OPCML: variants seen among roughly 807,000 people sequenced by gnomAD.
OPCML encodes opioid-binding protein/cell adhesion molecule.
OPCML carries 13 observed loss-of-function variants against 37.8 expected under a neutral mutation model. That is an observed-to-expected ratio of 0.34 (90% CI 0.22 to 0.55). OPCML has a LOEUF of 0.55. OPCML is among the 20% of genes least tolerant of loss of function. The pLI, the probability that OPCML is intolerant of heterozygous loss-of-function variation, is 0.91. For missense variants in OPCML, 341 were observed against 435.6 expected (o/e 0.78, Z 1.93); for synonymous variants, 176 against 168.8 (o/e 1.04, Z -0.33).
intron 3 of OPCML, among the ~76,000 whole-genome samples, chr11:132,555,645 AC>A (rs2096393737): frequency 6.6e-6 from 1 of 152,070 alleles, no homozygotes; most frequent in South Asian, 2.1e-4. Context: ...GGCTTGACAA[AC>A]CCTCAAGTCT....
intron 1 of OPCML, among the ~76,000 whole-genome samples, chr11:133,099,357 G>C (rs1949052022): frequency 6.6e-6 from 1 of 151,258 alleles, no homozygotes. Context: ...CCACCTCCCA[G>C]GTTCATGCCA....
chr11:133,064,594 C>G (rs1263181060), intron 1 of OPCML: 2 of 152,300 alleles, frequency 1.3e-5, no homozygotes, highest in African/African-American at 2.4e-5. Context: ...GGGGACTGTG[C>G]TGCCTGAATT....
At chr11:133,051,411 G>C (rs1397540899) in intron 1 of OPCML, among the ~76,000 whole-genome samples, 1 of 152,142 alleles carries the variant, frequency 6.6e-6, no homozygotes, top group Non-Finnish European at 1.5e-5. Context: ...AGACATTCCA[G>C]GGCTGCAGCC....
chr11:132,741,817 C>T (rs911265992), intron 2 of OPCML, among the ~76,000 whole-genome samples: 8 of 151,934 alleles, frequency 5.3e-5, no homozygotes, highest in Admixed American at 1.3e-4. Flanking sequence ...ACCTGAGCTC[C>T]GGAGTTTGAG....
intron 1 of OPCML, among the ~76,000 whole-genome samples, chr11:133,364,114 T>A (rs915925336): frequency 1.3e-5 from 2 of 152,184 alleles, no homozygotes; most frequent in Non-Finnish European, 2.9e-5. Flanking sequence ...TTGTTATCGA[T>A]TTCCCTCAGT....
intron 2 of OPCML, among the ~76,000 whole-genome samples, chr11:132,866,388 A>G (rs1942555764): frequency 6.6e-6 from 1 of 152,208 alleles, no homozygotes; most frequent in Non-Finnish European, 1.5e-5. Flanking sequence ...CACCTTGGCT[A>G]TGTCATCCAA....
At chr11:133,066,580 T>TG (rs1565428791) in intron 1 of OPCML, 1 of 152,244 alleles carries the variant, frequency 6.6e-6, no homozygotes, top group Non-Finnish European at 1.5e-5. Context: ...TGCAAGTCAT[T>TG]GGAAGACCCT....
At chr11:133,224,203 G>A (rs1939947228) in intron 1 of OPCML, among the ~76,000 whole-genome samples, 1 of 152,126 alleles carries the variant, frequency 6.6e-6, no homozygotes, top group Admixed American at 6.5e-5. Flanking sequence ...GGCCGGTGGT[G>A]GTTTCTGGTC....
intron 4 of OPCML, chr11:132,437,604 G>A (rs1157117719): frequency 2.9e-6 from 1 of 341,808 alleles, no homozygotes; most frequent in Non-Finnish European, 4.1e-6. Flanking sequence ...TAGAGCATTT[G>A]GTAAGAACAT....
intron 2 of OPCML, among the ~76,000 whole-genome samples, chr11:132,713,716 GC>G (rs1944358818): frequency 6.6e-6 from 1 of 152,152 alleles, no homozygotes; most frequent in South Asian, 2.1e-4. Flanking sequence ...CAACAGCTAA[GC>G]CCATGAGTTA....
At chr11:132,891,392 T>C (rs1943644179) in intron 2 of OPCML, among the ~76,000 whole-genome samples, 1 of 152,218 alleles carries the variant, frequency 6.6e-6, no homozygotes, top group East Asian at 1.9e-4. Context: ...GGACTCCGTA[T>C]TATTTTTCTT....
At chr11:132,783,472 G>A (rs1406405964) in intron 2 of OPCML, among the ~76,000 whole-genome samples, 2 of 152,026 alleles carry the variant, frequency 1.3e-5, no homozygotes, top group East Asian at 1.9e-4. Context: ...GTTAATTCTT[G>A]GTTTTCCTAG....
chr11:133,005,281 AGAAT>A (rs1297919944), intron 1 of OPCML: 43 of 985,310 alleles, frequency 4.4e-5, no homozygotes, highest in Non-Finnish European at 5.2e-5. Flanking sequence ...ATCAATAGCC[AGAAT>A]GAATGAATGA....
chr11:133,283,946 TC>T (rs201604620), intron 1 of OPCML, among the ~76,000 whole-genome samples: 6 of 151,158 alleles, frequency 4.0e-5, no homozygotes, highest in African/African-American at 9.7e-5. Context: ...CTGGATCGCT[TC>T]CCCCCCCAGT....
In OPCML at chr11:133,049,629, G is replaced by A. The variant is rs187523318; in HGVS notation, c.62-106619C>T. Among the ~76,000 whole-genome samples, 218 of 152,348 alleles carry A rather than the reference G, an allele frequency of 1.4e-3. 3 individuals are homozygous for A. Among genetic ancestry groups the A allele is most frequent in the Admixed American group, 0.012 (189 of 15,306 alleles). On this transcript the variant is annotated intron_variant, in intron 1 of 7. Transcript: ENST00000524381. ...ATGAAATTGCATGTAAATGTGAAGT[G>A]CTAATATCAATGACATGAGGTGTAC... is the stretch of plus-strand genomic sequence containing the variant.
intron 1 of OPCML, among the ~76,000 whole-genome samples, chr11:133,259,956 G>C (rs1467081912): frequency 6.6e-6 from 1 of 152,142 alleles, no homozygotes; most frequent in Non-Finnish European, 1.5e-5. Flanking sequence ...TGAAAAGAAA[G>C]ACAGACAATA....
At chr11:132,451,023 T>A (rs1302937979) in intron 4 of OPCML, among the ~76,000 whole-genome samples, 1 of 152,090 alleles carries the variant, frequency 6.6e-6, no homozygotes, top group Non-Finnish European at 1.5e-5. Context: ...GAAACACAGC[T>A]AAATAAGGAA....
At chr11:133,046,859 T>C (rs1453706766) in intron 1 of OPCML, among the ~76,000 whole-genome samples, 1 of 152,126 alleles carries the variant, frequency 6.6e-6, no homozygotes, top group East Asian at 1.9e-4. Context: ...CCATCACAAA[T>C]AGAACTGCCA....
chr11:133,233,003 C>A (rs933065612), intron 1 of OPCML, among the ~76,000 whole-genome samples: 2 of 152,150 alleles, frequency 1.3e-5, no homozygotes, highest in Admixed American at 1.3e-4. Flanking sequence ...TGTCATGGAA[C>A]TGGGTACCTG....
Sources: allele counts gnomAD v4.1 joint callset (sites outside exome capture counted in the v4.1 genomes callset), GRCh38; gene constraint gnomAD v4.1.1; transcripts MANE v1.5; gene names NCBI Gene and HGNC (gene_info 2026-07-23, HGNC 2026-07-21).